QRSL1: variants seen among roughly 807,000 people sequenced by gnomAD.
QRSL1 encodes the protein glutaminyl-tRNA amidotransferase subunit QRSL1, also known as glutamyl-tRNA(Gln) amidotransferase subunit A, mitochondrial.
A neutral mutation model predicts 61.6 loss-of-function variants in QRSL1; 54 were observed. The observed-to-expected ratio is 0.88, with a 90% CI of 0.70 to 1.10. The LOEUF (loss-of-function observed/expected upper bound fraction) is 1.10, where lower values mean the gene tolerates loss of function less well. Among genes scored for constraint, QRSL1 ranks in the 50% least tolerant of loss-of-function variants. The pLI is 0.00. For synonymous variants in QRSL1, 228 were observed against 225.7 expected (o/e 1.01, Z -0.09); for missense variants, 505 against 622.6 (o/e 0.81, Z 2.01).
Position 106,667,526 on chromosome 6 carries a change from C to G in QRSL1, c.*1524C>G, listed in dbSNP as rs59956594. ...GCTGAATTGTTACTTAATAAATTCA[C>G]TTTGTTTAGTAAAAAAAAATTGTTT... On this transcript the variant is annotated 3_prime_UTR_variant, in exon 11 of 11. Transcript: ENST00000369046. The G allele has an allele frequency of 4.1e-3, 626 of 152,164 alleles. 1 individual carries two copies. Among genetic ancestry groups the G allele is most frequent in the African/African-American group, 0.014 (595 of 41,528 alleles). 9.4% of individuals were successfully genotyped at this position (152,164 alleles called of 1,614,324 possible).
intron 1 of QRSL1, among the ~76,000 whole-genome samples, chr6:106,634,039 G>A (rs1776881079): frequency 6.6e-6 from 1 of 152,134 alleles, no homozygotes; most frequent in Non-Finnish European, 1.5e-5. Flanking sequence ...ACTAGTTGGG[G>A]GAGCTGGACA....
intron 9 of QRSL1, among the ~76,000 whole-genome samples, chr6:106,659,189 G>A (rs372888349): frequency 2.0e-5 from 3 of 151,944 alleles, no homozygotes; most frequent in South Asian, 4.2e-4. Context: ...TTTAGGCTGC[G>A]TGCGGTGGCT....
At position 106,654,189 on chromosome 6, in the gene QRSL1, A is replaced by G. The variant is rs539333630; in HGVS notation, c.850-541A>G. 7.2e-4 allele frequency among the ~76,000 whole-genome samples: 110 copies of G among 152,288 alleles called. 2 individuals carry two copies. Among genetic ancestry groups the G allele is most frequent in the African/African-American group, 2.6e-3 (107 of 41,560 alleles). Reference sequence around the variant, plus strand: ...AGTGAAACCCCGTCTCTACTAAAAAAAATACAAAAAATTAGCCGGGCGTGG... The same window carrying G: ...AGTGAAACCCCGTCTCTACTAAAAAGAATACAAAAAATTAGCCGGGCGTGG... On this transcript the variant is annotated intron_variant, in intron 7 of 10. Coordinates refer to ENST00000369046, the MANE Select transcript of QRSL1 (RefSeq NM_018292.5).
chr6:106,640,076 T>TAC, intron 1 of QRSL1: 1 of 293,966 alleles, frequency 3.4e-6, no homozygotes, highest in South Asian at 5.2e-5. Context: ...ATGGTTTACC[T>TAC]AACTTACTGC....
rs1465605206 is a variant in QRSL1 at position 106,647,799 on chromosome 6, C to T, written c.381-1226C>T. ...CCGAGTAGCTGGGACTACAGGCGCC[C>T]GCCACCACGCCCGGCTAATTTTTTG... On this transcript the variant is annotated intron_variant, in intron 4 of 10. Transcript: ENST00000369046. Among the ~76,000 whole-genome samples the T allele has an allele frequency of 4.9e-3, 729 of 147,586 alleles. 2 individuals are homozygous for T. Among genetic ancestry groups the T allele is most frequent in the Non-Finnish European group, 7.8e-3 (523 of 66,778 alleles).
rs988904254 is a variant in QRSL1, at chr6:106,668,374, T to C, written c.*2372T>C. ...CTGGGAATTTAAGTGGCAAATACTT[T>C]CTTTGTCTCAGCTAATTAAACTCTA... is the stretch of plus-strand genomic sequence containing the variant. On this transcript the variant is annotated 3_prime_UTR_variant, in exon 11 of 11. Coordinates refer to ENST00000369046, the MANE Select transcript of QRSL1 (RefSeq NM_018292.5). 6.6e-6 allele frequency: 1 copy of C among 152,120 alleles called. No homozygotes were observed. The highest frequency in any genetic ancestry group is 2.4e-5 in the African/African-American group (1 of 41,408). The allele number at this position is 152,120 out of a possible 1,614,324, so 9.4% of individuals were successfully genotyped here. A position where few individuals can be genotyped will look rare whatever the true frequency, so the allele number is the denominator to read the frequency against.
chr6:106,651,972 G>A (rs1777193261), intron 5 of QRSL1, among the ~76,000 whole-genome samples: 1 of 152,154 alleles, frequency 6.6e-6, no homozygotes, highest in Non-Finnish European at 1.5e-5. Flanking sequence ...TGAAAAAAAT[G>A]CATTTTTAAA....
In QRSL1 at chr6:106,661,361, G is replaced by A. The variant is rs531791399; in HGVS notation, c.1161-1619G>A. The stretch of plus-strand genomic sequence containing the variant: ...CGAACTCCTGACCTTGTGATCCGAC[G>A]CCTCGGCCTCCCAAAGTGCTGAGAT... On this transcript the variant is annotated intron_variant, in intron 9 of 10. Coordinates refer to ENST00000369046, the MANE Select transcript of QRSL1 (RefSeq NM_018292.5). 7.2e-5 allele frequency among the ~76,000 whole-genome samples: 11 copies of A among 152,146 alleles called. No homozygotes were observed. The South Asian group carries it at 1.2e-3, about 17-fold the overall frequency.
intron 9 of QRSL1, among the ~76,000 whole-genome samples, chr6:106,660,747 T>C (rs956083006): frequency 3.9e-5 from 6 of 151,978 alleles, no homozygotes; most frequent in African/African-American, 1.2e-4. Context: ...AGGTCCAACA[T>C]TGAGAAGCCA....
intron 9 of QRSL1, among the ~76,000 whole-genome samples, chr6:106,656,422 A>G (rs1225090655): frequency 6.6e-6 from 1 of 152,232 alleles, no homozygotes; most frequent in Non-Finnish European, 1.5e-5. Context: ...CTTTACTCTA[A>G]AAAAGAATTC....
chr6:106,639,028 C>A (rs1776966745), intron 1 of QRSL1, among the ~76,000 whole-genome samples: 1 of 151,130 alleles, frequency 6.6e-6, no homozygotes, highest in African/African-American at 2.4e-5. Flanking sequence ...TGACTTTGGG[C>A]AAATCACTCA....
At chr6:106,652,760 A>C in intron 7 of QRSL1, 178 bp downstream of exon 7, 1 of 1,511,152 alleles carries the variant, frequency 6.6e-7, no homozygotes, top group Non-Finnish European at 8.9e-7. Context: ...AATAGGAATA[A>C]TAAAAATACT....
chr6:106,652,768 A>G, intron 7 of QRSL1, 186 bp downstream of exon 7: 1 of 1,503,852 alleles, frequency 6.6e-7, no homozygotes, highest in Non-Finnish European at 8.9e-7. Context: ...TAATAAAAAT[A>G]CTGACTTCAG....
intron 1 of QRSL1, among the ~76,000 whole-genome samples, chr6:106,633,195 G>A (rs1169675497): frequency 6.6e-6 from 1 of 152,154 alleles, no homozygotes; most frequent in East Asian, 1.9e-4. Flanking sequence ...TGCCTAGCAT[G>A]CAAAATATTT....
chr6:106,642,385 G>C, intron 3 of QRSL1: 2 of 443,292 alleles, frequency 4.5e-6, no homozygotes, highest in South Asian at 4.6e-5. Flanking sequence ...TGATTTACAT[G>C]TTCGCTGTTT....
At chr6:106,629,830 G>T (rs1776777825) in intron 1 of QRSL1, 125 bp downstream of exon 1, 3 of 1,177,384 alleles carry the variant, frequency 2.5e-6, no homozygotes, top group South Asian at 2.7e-5. Flanking sequence ...AGAACTGAGT[G>T]GGGGATAAGT....
chr6:106,661,686 C>CTTTTTT lies in QRSL1; in HGVS notation c.1161-1264_1161-1259dup, dbSNP rs572306794. 4.5e-4 allele frequency among the ~76,000 whole-genome samples: 25 copies of CTTTTTT among 55,094 alleles called. 3 individuals carry two copies. Among genetic ancestry groups the CTTTTTT allele is most frequent in the Admixed American group, 1.0e-3 (3 of 3,006 alleles). The allele number at this position is 55,094 out of a possible 152,430, so 36.1% of individuals were successfully genotyped here. A position where few individuals can be genotyped will look rare whatever the true frequency, so the allele number is the denominator to read the frequency against. Reference sequence around the variant, plus strand: ...CTGTTGTGGAAAAGAATGGTTAGTTCTTTTTTTTTTTTTTTTTTTTTTTTT... The same window carrying CTTTTTT: ...CTGTTGTGGAAAAGAATGGTTAGTTCTTTTTTTTTTTTTTTTTTTTTTTTTTTTTTT... On this transcript the variant is annotated intron_variant, in intron 9 of 10. Transcript: ENST00000369046.
chr6:106,642,939 C>T lies in QRSL1; in HGVS notation c.284-55C>T, dbSNP rs776070269. ...GAATTCATGGCATAATAGGTATAAA[C>T]AAATAAAAGACTTCTGGACTGTAAA... On this transcript the variant is annotated intron_variant, in intron 3 of 10. Coordinates refer to ENST00000369046, the MANE Select transcript of QRSL1 (RefSeq NM_018292.5). The T allele has an allele frequency of 2.9e-4, 355 of 1,241,634 alleles. 2 individuals are homozygous for T. Among genetic ancestry groups the T allele is most frequent in the Middle Eastern group, 2.5e-3 (13 of 5,156 alleles). 76.9% of individuals were successfully genotyped at this position (1,241,634 alleles called of 1,614,324 possible).
chr6:106,646,622 G>A (rs902126169), intron 4 of QRSL1, among the ~76,000 whole-genome samples: 3 of 151,300 alleles, frequency 2.0e-5, no homozygotes, highest in African/African-American at 7.3e-5. Context: ...ACATAGTGAG[G>A]CCCTGTCTCT....
Sources: gnomAD v4.1 joint callset for allele counts (sites outside exome capture counted in the v4.1 genomes callset) on GRCh38, gnomAD v4.1.1 for gene constraint, MANE v1.5 for transcripts, NCBI Gene and HGNC (gene_info 2026-07-23, HGNC 2026-07-21) for gene names.